The following CTSD variants were observed in gnomAD, a reference collection of about 807,000 sequenced individuals.
CTSD encodes ceroid-lipofuscinosis, neuronal 10.
In CTSD, 28 loss-of-function variants were observed where a neutral mutation model predicts 43.6. The observed-to-expected ratio is 0.64, with a 90% CI of 0.48 to 0.88. CTSD has a LOEUF of 0.88. Among genes scored for constraint, CTSD ranks in the 40% least tolerant of loss-of-function variants. The probability of loss-of-function intolerance (pLI) is 0.00; values close to 1 mark genes in which losing one functional copy is unlikely to be tolerated. For synonymous variants in CTSD, 270 were observed against 249.8 expected, an observed-to-expected ratio of 1.08 and a Z score of -0.76; for missense variants, 485 against 555.2, an observed-to-expected ratio of 0.87 and a Z score of 1.27.
intron 5 of CTSD, chr11:1,755,484 T>C (rs368476665): frequency 2.3e-4 from 68 of 299,670 alleles, no homozygotes; most frequent in African/African-American, 1.5e-3. Context: ...TGGCTGCTCC[T>C]GGGAACACCC....
At chr11:1,758,923 C>T (rs1845840964) in intron 4 of CTSD, 46 bp downstream of exon 4, 1 of 1,379,374 alleles carries the variant, frequency 7.2e-7, no homozygotes, top group Non-Finnish European at 1.0e-6. Flanking sequence ...GTGAACCCCA[C>T]ACCCTGGCAC....
intron 6 of CTSD, 68 bp from the exon 7 acceptor site, chr11:1,754,206 C>A (rs1845767095): frequency 6.5e-7 from 1 of 1,547,948 alleles, no homozygotes; most frequent in Non-Finnish European, 8.7e-7. Flanking sequence ...AGTGCCCCTC[C>A]CTGGGAGCCC....
rs1845749701 is a variant in CTSD at position 1,753,293 on chromosome 11, G to GAGAC, written c.*206_*209dup. ...GCTCTACCCCCACCAAACAGATGGAGAGACAGACAGGCAGGCAGCATTTCT... is the reference window on the plus strand; with the variant it reads ...GCTCTACCCCCACCAAACAGATGGAGAGACAGACAGACAGGCAGGCAGCATTTCT... On this transcript the variant is annotated 3_prime_UTR_variant, in exon 9 of 9. Coordinates refer to ENST00000236671, the MANE Select transcript of CTSD (RefSeq NM_001909.5). 2 of 633,224 alleles carry GAGAC rather than the reference G, an allele frequency of 3.2e-6. No homozygotes were observed. The highest frequency in any genetic ancestry group is 3.6e-5 in the South Asian group (2 of 55,964). 39.2% of individuals were successfully genotyped at this position (633,224 alleles called of 1,614,324 possible). A position where few individuals can be genotyped will look rare whatever the true frequency, so the allele number is the denominator to read the frequency against.
chr11:1,753,925 A>G, intron 7 of CTSD, 24 bp from the exon 8 acceptor site: 3 of 1,612,656 alleles, frequency 1.9e-6, no homozygotes, highest in East Asian at 2.2e-5. Context: ...CAGCAGTGTC[A>G]GGGTGGTAGT....
At position 1,763,773 on chromosome 11, in the gene CTSD, C is replaced by G. The variant is rs1008670744; in HGVS notation, c.68+19G>C. The G allele has an allele frequency of 5.3e-6, 8 of 1,522,890 alleles. No homozygotes were observed. Among genetic ancestry groups the G allele is most frequent in the Non-Finnish European group, 7.0e-6 (8 of 1,141,814 alleles). 94.3% of individuals were successfully genotyped at this position (1,522,890 alleles called of 1,614,324 possible). A position where few individuals can be genotyped will look rare whatever the true frequency, so the allele number is the denominator to read the frequency against. ...CGCGACCCCTGCCCGTCCCTGAGCC[C>G]CGGCCCCTGAGGCTTCACCTGACGA... On this transcript the variant is annotated intron_variant, in intron 1 of 8. Transcript: ENST00000236671.
At chr11:1,754,530 T>TGGGGGGATGGAGGGAG in intron 6 of CTSD, among the ~76,000 whole-genome samples, 1 of 14,434 alleles carries the variant, frequency 6.9e-5, no homozygotes, top group Non-Finnish European at 1.3e-4. Context: ...ATGGAGGGGA[T>TGGGGGGATGGAGGGAG]GGAGGGATGG....
intron 5 of CTSD, among the ~76,000 whole-genome samples, chr11:1,755,966 C>A (rs1270866053): frequency 2.0e-5 from 3 of 152,130 alleles, no homozygotes; most frequent in Non-Finnish European, 4.4e-5. Context: ...GGCTCCACTT[C>A]CTGCCCAAGC....
Position 1,760,820 on chromosome 11 carries a change from C to A in CTSD, c.228+489G>T, listed in dbSNP as rs552487651. On this transcript the variant is annotated intron_variant, in intron 2 of 8. Transcript: ENST00000236671. ...TCGAACTGACCCCATAGAGCTGGGA[C>A]CAGGCTGACCAAGCCCCAGCTTGCT... 4.4e-5 allele frequency: 10 copies of A among 224,934 alleles called. No individual in the cohort carries two copies. In the South Asian group the frequency reaches 5.4e-4, roughly 12 times the overall value. The allele number at this position is 224,934 out of a possible 1,614,324, so 13.9% of individuals were successfully genotyped here.
At chr11:1,759,391 G>T in intron 3 of CTSD, 125 bp downstream of exon 3, 1 of 1,398,944 alleles carries the variant, frequency 7.1e-7, no homozygotes, top group Non-Finnish European at 9.9e-7. Context: ...AGGGTGGAGG[G>T]CTGGCCTGGC....
At chr11:1,762,998 C>T (rs141668130) in intron 1 of CTSD, 192 of 152,496 alleles carry the variant, frequency 1.3e-3, no homozygotes, top group Admixed American at 2.6e-3. Flanking sequence ...GGGGCAGGTG[C>T]CCAATGGGAT....
At chr11:1,756,470 G>A (rs1482464184) in intron 5 of CTSD, among the ~76,000 whole-genome samples, 1 of 152,224 alleles carries the variant, frequency 6.6e-6, no homozygotes, top group African/African-American at 2.4e-5. Context: ...TTAGGGGTCA[G>A]GCCCAGAGAC....
chr11:1,754,313 A>T, intron 6 of CTSD, 175 bp from the exon 7 acceptor site: 5 of 542,518 alleles, frequency 9.2e-6, no homozygotes, highest in East Asian at 4.5e-5. Flanking sequence ...GGAGACACAG[A>T]GTGGTAGAGG....
At chr11:1,754,545 A>ATGGAGGGGATGGAGGGG (rs1845782004) in intron 6 of CTSD, among the ~76,000 whole-genome samples, 2 of 46,858 alleles carry the variant, frequency 4.3e-5, no homozygotes. Context: ...GGATGGAGGG[A>ATGGAGGGGATGGAGGGG]TGGAGGGGAT....
At position 1,759,585 on chromosome 11, in the gene CTSD, C is replaced by T. The variant is rs141482597; in HGVS notation, c.283G>A (p.Val95Ile). 7.8e-5 allele frequency: 126 copies of T among 1,613,592 alleles called. No individual in the cohort carries two copies. The highest frequency in any genetic ancestry group is 9.0e-5 in the Non-Finnish European group (106 of 1,179,976). ...AGGTTGGAGGAGCCCGTGTCGAAGA[C>T]GACTGTGAAGCACTGGGGGGGCGTC... ...IGTPPQCFTV[V>I]FDTGSSNLWV... Residue 95 changes from valine to isoleucine, a missense_variant, in exon 3 of 9, where the codon GTC becomes ATC. Transcript: ENST00000236671.
chr11:1,763,766 C>A, intron 1 of CTSD, 26 bp downstream of exon 1: 1 of 1,521,098 alleles, frequency 6.6e-7, no homozygotes, highest in Non-Finnish European at 8.8e-7. Context: ...CTGCCCGTCC[C>A]TGAGCCCCGG....
intron 1 of CTSD, among the ~76,000 whole-genome samples, chr11:1,763,348 G>A (rs1845906675): frequency 6.6e-6 from 1 of 152,222 alleles, no homozygotes; most frequent in Non-Finnish European, 1.5e-5. Context: ...AAAGCCCCCA[G>A]TTCACAGGTG....
At chr11:1,754,426 C>CATGGAGGG (rs1175178320) in intron 6 of CTSD, among the ~76,000 whole-genome samples, 16 of 68,424 alleles carry the variant, frequency 2.3e-4, no homozygotes, top group South Asian at 5.7e-4. Context: ...GATGGAGGGG[C>CATGGAGGG]ATGGAGGGAT....
rs751418119 is a variant in CTSD, at chr11:1,757,440, A to G, written c.588T>C (p.Asp196=). Residue 196 remains aspartate (D), a synonymous_variant, in exon 5 of 9, where the codon GAT becomes GAC. Transcript: ENST00000236671. ...GGGGGTAGGCCATGCCCAGGATGCC[A>G]TCGAACTTGGCTGCGATGAAGGTGA... The part of the protein sequence containing the change: ...PGITFIAAKF[D]GILGMAYPRI... 1 of 1,614,160 alleles carries G rather than the reference A, an allele frequency of 6.2e-7. No individual in the cohort carries two copies. The highest frequency in any genetic ancestry group is 8.5e-7 in the Non-Finnish European group (1 of 1,180,032).
At chr11:1,755,747 C>T (rs1422196862) in intron 5 of CTSD, among the ~76,000 whole-genome samples, 1 of 152,186 alleles carries the variant, frequency 6.6e-6, no homozygotes, top group African/African-American at 2.4e-5. Flanking sequence ...AGCTGGCCAC[C>T]ATCCCACTGC....
Sources: gnomAD v4.1 joint callset for allele counts (sites outside exome capture counted in the v4.1 genomes callset) on GRCh38, gnomAD v4.1.1 for gene constraint, MANE v1.5 for transcripts, NCBI Gene and HGNC (gene_info 2026-07-23, HGNC 2026-07-21) for gene names.